The following ARHGEF10 variants were observed in gnomAD, a reference collection of about 807,000 sequenced individuals.
The protein encoded by ARHGEF10 is Rho guanine nucleotide exchange factor 10, also known as Rho guanine nucleotide exchange factor (GEF) 10.
A neutral mutation model predicts 147.4 loss-of-function variants in ARHGEF10; 140 were observed. The observed-to-expected ratio is 0.95, with a 90% CI of 0.83 to 1.09. The LOEUF (loss-of-function observed/expected upper bound fraction) is 1.09. Among genes scored for constraint, ARHGEF10 ranks in the 50% least tolerant of loss-of-function variants. The probability of loss-of-function intolerance (pLI) is 0.00; values close to 1 mark genes in which losing one functional copy is unlikely to be tolerated. For missense variants in ARHGEF10, 2,222 were observed against 1,752.7 expected, an observed-to-expected ratio of 1.27 and a Z score of -4.78; for synonymous variants, 902 against 695.8, an observed-to-expected ratio of 1.30 and a Z score of -4.67.
At chr8:1,936,590 C>T (rs745374363) in intron 26 of ARHGEF10, among the ~76,000 whole-genome samples, 1 of 152,154 alleles carries the variant, frequency 6.6e-6, no homozygotes, top group Non-Finnish European at 1.5e-5. Context: ...AATTTCATCT[C>T]TTTGAAGCCT....
At chr8:1,908,308 G>A (rs1174255689) in intron 17 of ARHGEF10, among the ~76,000 whole-genome samples, 1 of 144,696 alleles carries the variant, frequency 6.9e-6, no homozygotes, top group African/African-American at 2.6e-5. Context: ...TCAGCTCGCT[G>A]CAAGCTCTGC....
At chr8:1,854,245 G>T (rs1208195383) in intron 2 of ARHGEF10, among the ~76,000 whole-genome samples, 2 of 152,134 alleles carry the variant, frequency 1.3e-5, no homozygotes, top group Non-Finnish European at 2.9e-5. Context: ...GGGCGGCGCA[G>T]CCTCACCATC....
chr8:1,956,774 A>G lies in ARHGEF10; in HGVS notation c.3546A>G (p.Ala1182=). The G allele has an allele frequency of 6.2e-7, 1 of 1,614,048 alleles. No homozygotes were observed. Among genetic ancestry groups the G allele is most frequent in the Non-Finnish European group, 8.5e-7 (1 of 1,180,024 alleles). ...VTGRGMVSYH[A]HNSPVKFIVL... ...GAAGAGGCATGGTCTCCTACCATGC[A>G]CACAACAGTCCTGTCAAATTCATCG... is the stretch of plus-strand genomic sequence containing the variant. The change falls in exon 29 of 29, where the codon GCA becomes GCG. Residue 1182 remains alanine (A), a synonymous_variant. Coordinates refer to ENST00000349830, the MANE Select transcript of ARHGEF10 (RefSeq NM_014629.4).
rs1280606287 is a variant in ARHGEF10, at chr8:1,832,608, G to T, written c.-48+8495G>T. Among the ~76,000 whole-genome samples the T allele has an allele frequency of 5.1e-3, 271 of 52,934 alleles. 4 individuals are homozygous for T. The highest frequency in any genetic ancestry group is 0.021 in the African/African-American group (256 of 12,322). The allele number at this position is 52,934 out of a possible 152,430, so 34.7% of individuals were successfully genotyped here. A position where few individuals can be genotyped will look rare whatever the true frequency, so the allele number is the denominator to read the frequency against. ...GAGACAGAGACAGAGACAGGCAGAGGCAGAGACAGAGGCAGAGAGAGACAG... is the reference window on the plus strand; with the variant it reads ...GAGACAGAGACAGAGACAGGCAGAGTCAGAGACAGAGGCAGAGAGAGACAG... On this transcript the variant is annotated intron_variant, in intron 1 of 28. Coordinates refer to ENST00000349830, the MANE Select transcript of ARHGEF10 (RefSeq NM_014629.4).
chr8:1,834,945 C>T (rs949046174), intron 1 of ARHGEF10, among the ~76,000 whole-genome samples: 4 of 152,196 alleles, frequency 2.6e-5, no homozygotes, highest in South Asian at 2.1e-4. Context: ...GGTCTGTCCG[C>T]GGGGCCACTT....
intron 4 of ARHGEF10, among the ~76,000 whole-genome samples, chr8:1,862,886 C>T (rs1751933955): frequency 6.7e-6 from 1 of 150,248 alleles, no homozygotes; most frequent in Non-Finnish European, 1.5e-5. Context: ...TCACACCGTT[C>T]TCCTGCCTCA....
intron 4 of ARHGEF10, among the ~76,000 whole-genome samples, chr8:1,863,851 G>A (rs777349718): frequency 1.1e-4 from 16 of 151,890 alleles, no homozygotes; most frequent in South Asian, 6.3e-4. Flanking sequence ...GTGTATTTGC[G>A]TGTGGAGGGA....
chr8:1,901,389 G>A (rs1007959084), intron 15 of ARHGEF10, among the ~76,000 whole-genome samples: 2 of 152,116 alleles, frequency 1.3e-5, no homozygotes, highest in Non-Finnish European at 2.9e-5. Flanking sequence ...TCTAAGACAG[G>A]TGCTGTGAAG....
At chr8:1,910,928 A>T (rs1456928756) in intron 18 of ARHGEF10, among the ~76,000 whole-genome samples, 1 of 152,194 alleles carries the variant, frequency 6.6e-6, no homozygotes, top group East Asian at 1.9e-4. Flanking sequence ...TATTCATCTT[A>T]TTATTTATGA....
At chr8:1,921,132 A>G (rs540255059) in intron 18 of ARHGEF10, among the ~76,000 whole-genome samples, 17 of 152,294 alleles carry the variant, frequency 1.1e-4, no homozygotes, top group Non-Finnish European at 7.4e-5. Flanking sequence ...GCAGTTAGTA[A>G]TTGCATTTGT....
chr8:1,858,895 C>G (rs1011509927), intron 3 of ARHGEF10: 37 of 177,988 alleles, frequency 2.1e-4, no homozygotes, highest in African/African-American at 8.4e-4. Flanking sequence ...ACCAGCCTCT[C>G]GGTTGTTTGC....
intron 11 of ARHGEF10, among the ~76,000 whole-genome samples, chr8:1,891,747 G>C (rs999390840): frequency 6.6e-6 from 1 of 152,090 alleles, no homozygotes; most frequent in African/African-American, 2.4e-5. Context: ...CTGAGCACTG[G>C]AGGCTCCCTG....
rs1809808128 is a variant in ARHGEF10, at chr8:1,894,470, C to T, written c.1338C>T (p.Val446=). 1.2e-6 allele frequency: 2 copies of T among 1,614,214 alleles called. No homozygotes were observed. The highest frequency in any genetic ancestry group is 2.2e-5 in the East Asian group (1 of 44,872). Reference sequence around the variant, plus strand: ...AGCTGAAGACGGTGTTCTACCGAGTCAAAGAGATCCTGCAGTGCCACTCGC... The same window carrying T: ...AGCTGAAGACGGTGTTCTACCGAGTTAAAGAGATCCTGCAGTGCCACTCGC... ...ERKLKTVFYR[V]KEILQCHSLF... The change falls in exon 13 of 29, where the codon GTC becomes GTT. Residue 446 remains valine (V), a synonymous_variant. Transcript: ENST00000349830.
chr8:1,864,513 G>A (rs1806420191), intron 5 of ARHGEF10, 77 bp downstream of exon 5: 2 of 1,455,722 alleles, frequency 1.4e-6, no homozygotes, highest in South Asian at 2.3e-5. Context: ...ATCCTGGTGT[G>A]TGTCCCTGCC....
At chr8:1,869,550 T>C in intron 7 of ARHGEF10, 1 of 516,028 alleles carries the variant, frequency 1.9e-6, no homozygotes, top group South Asian at 2.1e-5. Context: ...AGCAGCAATG[T>C]ATATCGAATA....
In ARHGEF10 at chr8:1,903,336, C is replaced by G. The variant is rs375204221; in HGVS notation, c.1706C>G (p.Ala569Gly). The change falls in exon 16 of 29, where the codon GCC becomes GGC. Residue 569 changes from alanine (A) to glycine (G), a missense_variant. Coordinates refer to ENST00000349830, the MANE Select transcript of ARHGEF10 (RefSeq NM_014629.4). Reference sequence around the variant, plus strand: ...CCCGACAGGCTGCCTCTTCAGATGGCCCTGACAGAGCTCGAAACACTAGCA... The same window carrying G: ...CCCGACAGGCTGCCTCTTCAGATGGGCCTGACAGAGCTCGAAACACTAGCA... ...GHPDRLPLQMALTELETLAEK... is the reference protein window; with the variant it reads ...GHPDRLPLQMGLTELETLAEK... 23 of 1,614,080 alleles carry G rather than the reference C, an allele frequency of 1.4e-5. No homozygotes were observed. Among genetic ancestry groups the G allele is most frequent in the Non-Finnish European group, 1.9e-5 (22 of 1,180,024 alleles).
intron 11 of ARHGEF10, among the ~76,000 whole-genome samples, chr8:1,888,130 T>TTGCGAGGAGGCACTGAGTGGGGTGAGGG (rs1563233460): frequency 3.4e-5 from 1 of 29,006 alleles, no homozygotes; most frequent in African/African-American, 5.0e-4. Context: ...GGGGTGAGGG[T>TTGCGAGGAGGCACTGAGTGGGGTGAGGG]TTGCGAGGAG....
chr8:1,859,797 T>A, intron 3 of ARHGEF10, 100 bp from the exon 4 acceptor site: 1 of 1,415,536 alleles, frequency 7.1e-7, no homozygotes, highest in Non-Finnish European at 9.9e-7. Flanking sequence ...CATGGGATGA[T>A]GGTGGGAGCT....
intron 26 of ARHGEF10, among the ~76,000 whole-genome samples, chr8:1,934,246 C>T (rs1813385553): frequency 6.7e-6 from 1 of 149,294 alleles, no homozygotes; most frequent in South Asian, 2.1e-4. Context: ...CCCAAGTACT[C>T]GGGAGGCTGA....
Sources: gnomAD v4.1 joint callset for allele counts (sites outside exome capture counted in the v4.1 genomes callset) on GRCh38, gnomAD v4.1.1 for gene constraint, MANE v1.5 for transcripts, NCBI Gene and HGNC (gene_info 2026-07-23, HGNC 2026-07-21) for gene names.